The following CPNE8 variants were observed in gnomAD, a reference collection of about 807,000 sequenced individuals.
CPNE8 encodes copine-8.
In CPNE8, 45 loss-of-function variants were observed where a neutral mutation model predicts 81.5. The observed-to-expected ratio is 0.55, with a 90% CI of 0.44 to 0.71. The LOEUF (loss-of-function observed/expected upper bound fraction) is 0.71. Among genes scored for constraint, CPNE8 ranks in the 30% least tolerant of loss-of-function variants. The pLI, the probability that CPNE8 is intolerant of heterozygous loss-of-function variation, is 0.00. For missense variants in CPNE8, 594 were observed against 672.1 expected (o/e 0.88, Z 1.28); for synonymous variants, 252 against 226.3 (o/e 1.11, Z -1.02).
intron 6 of CPNE8, among the ~76,000 whole-genome samples, chr12:38,795,251 C>T (rs1169273690): frequency 6.6e-6 from 1 of 152,174 alleles, no homozygotes; most frequent in South Asian, 2.1e-4. Context: ...AATAAACTTC[C>T]TTTCATGTAT....
rs187234831 is a variant in CPNE8 at position 38,845,623 on chromosome 12, G to A, written c.290+2936C>T. Among the ~76,000 whole-genome samples the A allele has an allele frequency of 1.4e-3, 218 of 151,146 alleles. 1 individual carries two copies. Among genetic ancestry groups the A allele is most frequent in the South Asian group, 4.6e-3 (22 of 4,798 alleles). ...GGTATAATATATATATATATAACTCGTGAACTATTACACTATTTCCACATT... is the reference window on the plus strand; with the variant it reads ...GGTATAATATATATATATATAACTCATGAACTATTACACTATTTCCACATT... On this transcript the variant is annotated intron_variant, in intron 4 of 19. Transcript: ENST00000331366.
chr12:38,837,257 C>A (rs1943398047), intron 5 of CPNE8, among the ~76,000 whole-genome samples: 2 of 132,328 alleles, frequency 1.5e-5, no homozygotes, highest in South Asian at 4.9e-4. Context: ...AAGTGGTTAA[C>A]CATGCATCCA....
At chr12:38,871,499 G>C (rs193196482) in intron 3 of CPNE8, among the ~76,000 whole-genome samples, 143 of 152,262 alleles carry the variant, frequency 9.4e-4, no homozygotes, top group African/African-American at 3.2e-3. Flanking sequence ...ATGTCTTTCA[G>C]GAAGATAATC....
rs1046785742 is a variant in CPNE8 at position 38,759,093 on chromosome 12, G to A, written c.722+1754C>T. 3.9e-5 allele frequency among the ~76,000 whole-genome samples: 6 copies of A among 152,158 alleles called. No individual in the cohort carries two copies. The East Asian group carries it at 9.7e-4, about 25-fold the overall frequency. On this transcript the variant is annotated intron_variant, in intron 10 of 19. Transcript: ENST00000331366. The stretch of plus-strand genomic sequence containing the variant: ...ATCACATACATTTCTGTTACATTAG[G>A]ATTAGAGACAAGTTCTATTTAGAAA...
chr12:38,820,283 T>G (rs928673249), intron 6 of CPNE8, among the ~76,000 whole-genome samples: 3 of 151,968 alleles, frequency 2.0e-5, no homozygotes, highest in Non-Finnish European at 4.4e-5. Flanking sequence ...TGTGCACCTA[T>G]AATCCTGGCT....
At position 38,760,435 on chromosome 12, in the gene CPNE8, G is replaced by GTATATATATATATATATATATATATA. The variant is rs139244982; in HGVS notation, c.722+411_722+412insTATATATATATATATATATATATATA. On this transcript the variant is annotated intron_variant, in intron 10 of 19. Coordinates refer to ENST00000331366, the MANE Select transcript of CPNE8 (RefSeq NM_153634.3). ...ATTCTCGAGTTTTGTTGTATGGTGTGTATATATATATATATATGTGTGTGT... is the reference window on the plus strand; with the variant it reads ...ATTCTCGAGTTTTGTTGTATGGTGTGTATATATATATATATATATATATATATATATATATATATATATGTGTGTGT... 2.6e-3 allele frequency among the ~76,000 whole-genome samples: 329 copies of GTATATATATATATATATATATATATA among 127,072 alleles called. 9 individuals carry two copies. Among genetic ancestry groups the GTATATATATATATATATATATATATA allele is most frequent in the African/African-American group, 0.01 (295 of 28,504 alleles). 83.4% of individuals were successfully genotyped at this position (127,072 alleles called of 152,430 possible).
At chr12:38,817,048 G>T (rs1253322395) in intron 6 of CPNE8, among the ~76,000 whole-genome samples, 2 of 152,178 alleles carry the variant, frequency 1.3e-5, no homozygotes, top group African/African-American at 4.8e-5. Flanking sequence ...AACACTAACA[G>T]TATGTCTAAT....
intron 10 of CPNE8, among the ~76,000 whole-genome samples, chr12:38,742,252 A>G (rs891064482): frequency 6.6e-6 from 1 of 152,180 alleles, no homozygotes; most frequent in African/African-American, 2.4e-5. Flanking sequence ...GGCACTATTC[A>G]CAATAGCAAA....
intron 10 of CPNE8, among the ~76,000 whole-genome samples, chr12:38,750,614 A>G (rs1011852986): frequency 5.9e-5 from 9 of 152,210 alleles, no homozygotes; most frequent in Admixed American, 2.6e-4. Flanking sequence ...TTGGACTTGC[A>G]TGGGCCTGTA....
At chr12:38,726,599 A>C (rs1260075568) in intron 11 of CPNE8, 2 of 152,226 alleles carry the variant, frequency 1.3e-5, no homozygotes, top group Non-Finnish European at 2.9e-5. Flanking sequence ...AGCACTCTGA[A>C]CAATATATAG....
At chr12:38,824,333 T>A (rs1351729875) in intron 6 of CPNE8, among the ~76,000 whole-genome samples, 1 of 152,116 alleles carries the variant, frequency 6.6e-6, no homozygotes, top group Non-Finnish European at 1.5e-5. Context: ...AAAGGCTACA[T>A]ACAACAAACC....
At chr12:38,797,041 G>T (rs539274978) in intron 6 of CPNE8, among the ~76,000 whole-genome samples, 1 of 152,152 alleles carries the variant, frequency 6.6e-6, no homozygotes, top group Non-Finnish European at 1.5e-5. Flanking sequence ...CAAAGCAGCC[G>T]GGAAGCTCGA....
At chr12:38,881,399 T>C (rs1191099230) in intron 1 of CPNE8, among the ~76,000 whole-genome samples, 1 of 152,108 alleles carries the variant, frequency 6.6e-6, no homozygotes, top group Non-Finnish European at 1.5e-5. Flanking sequence ...GACTAAAAAA[T>C]TCAGTTCAAC....
chr12:38,717,427 G>GTATATATACATATATATATATATATATA (rs1491219731), intron 13 of CPNE8, among the ~76,000 whole-genome samples: 1 of 69,728 alleles, frequency 1.4e-5, no homozygotes, highest in Non-Finnish European at 2.6e-5. Flanking sequence ...AGAAAGTGTG[G>GTATATATACATATATATATATATATATA]TGTATATATA....
intron 10 of CPNE8, among the ~76,000 whole-genome samples, chr12:38,745,504 T>C (rs762531962): frequency 1.6e-4 from 25 of 152,208 alleles, no homozygotes; most frequent in East Asian, 5.8e-4. Context: ...CCATACCTAA[T>C]AGATGTTCAG....
intron 4 of CPNE8, among the ~76,000 whole-genome samples, chr12:38,848,151 G>C (rs1388717441): frequency 2.0e-5 from 3 of 152,088 alleles, no homozygotes; most frequent in Non-Finnish European, 4.4e-5. Context: ...AAAATACAAG[G>C]CTACCAAGGG....
chr12:38,831,245 A>C (rs1436193630), intron 5 of CPNE8, among the ~76,000 whole-genome samples: 2 of 152,192 alleles, frequency 1.3e-5, no homozygotes, highest in African/African-American at 4.8e-5. Context: ...ATGAAGAGCC[A>C]AGCCCAGAGA....
intron 19 of CPNE8, 91 bp downstream of exon 19, chr12:38,670,638 A>G (rs1446895096): frequency 1.2e-6 from 1 of 802,126 alleles, no homozygotes; most frequent in Non-Finnish European, 2.0e-6. Context: ...GCATCATTAA[A>G]AAGTCTGTTA....
intron 19 of CPNE8, among the ~76,000 whole-genome samples, chr12:38,656,099 A>G (rs1374163177): frequency 6.7e-6 from 1 of 148,474 alleles, no homozygotes; most frequent in Non-Finnish European, 1.5e-5. Flanking sequence ...AAAATCAAAG[A>G]GGTAAAAAAA....
Sources: allele counts gnomAD v4.1 joint callset (sites outside exome capture counted in the v4.1 genomes callset), GRCh38; gene constraint gnomAD v4.1.1; transcripts MANE v1.5; gene names NCBI Gene and HGNC (gene_info 2026-07-23, HGNC 2026-07-21).